Variants in B3GALNT2 observed in about 807,000 individuals in gnomAD.
B3GALNT2 encodes the protein UDP-GalNAc:beta-1,3-N-acetylgalactosaminyltransferase 2.
B3GALNT2 carries 53 observed loss-of-function variants against 61.1 expected under a neutral mutation model. That is an observed-to-expected ratio of 0.87 (90% CI 0.70 to 1.09). The LOEUF (loss-of-function observed/expected upper bound fraction) is 1.09, where lower values mean the gene tolerates loss of function less well. Among genes scored for constraint, B3GALNT2 ranks in the 50% least tolerant of loss-of-function variants. The pLI is 0.00. For synonymous variants in B3GALNT2, 223 were observed against 237.4 expected, an observed-to-expected ratio of 0.94 and a Z score of 0.56; for missense variants, 544 against 623.0, an observed-to-expected ratio of 0.87 and a Z score of 1.35.
chr1:235,481,029 C>T (rs1278261442), intron 4 of B3GALNT2, among the ~76,000 whole-genome samples: 1 of 145,376 alleles, frequency 6.9e-6, no homozygotes, highest in East Asian at 2.1e-4. Flanking sequence ...CATGCCTATT[C>T]TTATATACCA....
chr1:235,448,960 A>T lies in B3GALNT2; in HGVS notation c.*1246T>A, dbSNP rs1053160965. 3.7e-5 allele frequency: 19 copies of T among 517,914 alleles called. No homozygotes were observed. Among genetic ancestry groups the T allele is most frequent in the Middle Eastern group, 3.3e-4 (1 of 2,996 alleles). The allele number at this position is 517,914 out of a possible 1,614,324, so 32.1% of individuals were successfully genotyped here. ...ATAATAGCAATAATAAAGGCTTTGA[A>T]CCTACTAATGATTTTCTGATCTTAT... On this transcript the variant is annotated 3_prime_UTR_variant, in exon 12 of 12. Transcript: ENST00000366600.
At chr1:235,475,936 C>T (rs1334527620) in intron 5 of B3GALNT2, among the ~76,000 whole-genome samples, 1 of 152,076 alleles carries the variant, frequency 6.6e-6, no homozygotes, top group East Asian at 1.9e-4. Context: ...ATGATCTGCC[C>T]GCCTCGGCCT....
chr1:235,448,702 C>G lies in B3GALNT2; in HGVS notation c.*1504G>C. 1 of 1,614,014 alleles carries G rather than the reference C, an allele frequency of 6.2e-7. No homozygotes were observed. Among genetic ancestry groups the G allele is most frequent in the Non-Finnish European group, 8.5e-7 (1 of 1,179,968 alleles). On this transcript the variant is annotated 3_prime_UTR_variant, in exon 12 of 12. Transcript: ENST00000366600. ...GCAGAGAAATCGAGCTGGAAAATGA[C>G]CTAAAGTCATTACAGTTTTATTCTG...
chr1:235,467,841 G>A (rs949740186), intron 6 of B3GALNT2, among the ~76,000 whole-genome samples: 3 of 151,350 alleles, frequency 2.0e-5, no homozygotes, highest in Admixed American at 1.3e-4. Flanking sequence ...GTGCAATGGC[G>A]TGATCTTGGC....
rs1332390869 is a variant in B3GALNT2, at chr1:235,504,294, G to T, written c.-42C>A. 5.7e-5 allele frequency: 84 copies of T among 1,476,778 alleles called. No individual in the cohort carries two copies. The highest frequency in any genetic ancestry group is 7.4e-5 in the Non-Finnish European group (83 of 1,118,768). 91.5% of individuals were successfully genotyped at this position (1,476,778 alleles called of 1,614,324 possible). A position where few individuals can be genotyped will look rare whatever the true frequency, so the allele number is the denominator to read the frequency against. On this transcript the variant is annotated 5_prime_UTR_variant, in exon 1 of 12. Coordinates refer to ENST00000366600, the MANE Select transcript of B3GALNT2 (RefSeq NM_152490.5). ...GAGCCGGGCTCTCCCGCGTCCCGGC[G>T]GAGAGGGAGGGGACCTGCAAGTGCG...
At position 235,504,333 on chromosome 1, in the gene B3GALNT2, G is replaced by T; in HGVS notation, c.-81C>A. The T allele has an allele frequency of 7.1e-7, 1 of 1,405,804 alleles. No individual in the cohort carries two copies. The highest frequency in any genetic ancestry group is 9.3e-7 in the Non-Finnish European group (1 of 1,071,068). 87.1% of individuals were successfully genotyped at this position (1,405,804 alleles called of 1,614,324 possible). On this transcript the variant is annotated 5_prime_UTR_variant, in exon 1 of 12. Transcript: ENST00000366600. Reference sequence around the variant, plus strand: ...CCTGCAAGTGCGGAGACTGAGGGGCGGCGGCTGACGAGCGACCACTCCGAG... The same window carrying T: ...CCTGCAAGTGCGGAGACTGAGGGGCTGCGGCTGACGAGCGACCACTCCGAG...
At chr1:235,470,758 G>T (rs995036653) in intron 6 of B3GALNT2, 92 bp downstream of exon 6, 1 of 1,505,834 alleles carries the variant, frequency 6.6e-7, no homozygotes, top group African/African-American at 1.4e-5. Context: ...ATTGCTCCAT[G>T]CTGCCTGGGC....
rs918037692 is a variant in B3GALNT2, at chr1:235,460,645, C to A, written c.842-1859G>T. Among the ~76,000 whole-genome samples the A allele has an allele frequency of 6.0e-5, 9 of 151,114 alleles. No homozygotes were observed. The East Asian group carries it at 1.8e-3, about 29-fold the overall frequency. ...CTAGAATGCAGTGGTGTAATTATAG[C>A]TTACTGCAGCCTCAACTTCCTGGGC... On this transcript the variant is annotated intron_variant, in intron 7 of 11. Transcript: ENST00000366600.
chr1:235,467,498 T>C (rs1269005307), intron 6 of B3GALNT2, among the ~76,000 whole-genome samples: 1 of 151,134 alleles, frequency 6.6e-6, no homozygotes. Context: ...TTTTTTTTTT[T>C]TTTGAGACGA....
chr1:235,500,019 CAG>C (rs1289291588), intron 1 of B3GALNT2, among the ~76,000 whole-genome samples: 1 of 152,078 alleles, frequency 6.6e-6, no homozygotes, highest in Admixed American at 6.6e-5. Flanking sequence ...AATGCAAGGC[CAG>C]AGAGAGGACA....
chr1:235,448,496 C>CATTA lies in B3GALNT2; in HGVS notation c.*1706_*1709dup, dbSNP rs1319664947. 17 of 1,529,564 alleles carry CATTA rather than the reference C, an allele frequency of 1.1e-5. No homozygotes were observed. The highest frequency in any genetic ancestry group is 1.5e-5 in the Non-Finnish European group (17 of 1,103,454). 94.7% of individuals were successfully genotyped at this position (1,529,564 alleles called of 1,614,324 possible). On this transcript the variant is annotated 3_prime_UTR_variant, in exon 12 of 12. Transcript: ENST00000366600. Reference sequence around the variant, plus strand: ...GTCAAGCTTAGTCCTCGTATTATGACATTAAACTGTCTCTAGATAGCAACA... The same window carrying CATTA: ...GTCAAGCTTAGTCCTCGTATTATGACATTAATTAAACTGTCTCTAGATAGCAACA...
At position 235,480,932 on chromosome 1, in the gene B3GALNT2, A is replaced by C. The variant is rs1684535530; in HGVS notation, c.556-783T>G. 4.0e-5 allele frequency among the ~76,000 whole-genome samples: 6 copies of C among 149,144 alleles called. No homozygotes were observed. The South Asian group carries it at 1.1e-3, about 26-fold the overall frequency. Reference sequence around the variant, plus strand: ...AAAAAAAAAAAAAAAAAAAAAAAAAAAAAAAAAAAAAAACCGGACTGATTT... The same window carrying C: ...AAAAAAAAAAAAAAAAAAAAAAAAACAAAAAAAAAAAAACCGGACTGATTT... On this transcript the variant is annotated intron_variant, in intron 4 of 11. Coordinates refer to ENST00000366600, the MANE Select transcript of B3GALNT2 (RefSeq NM_152490.5).
intron 6 of B3GALNT2, among the ~76,000 whole-genome samples, chr1:235,467,546 G>A (rs545343122): frequency 3.6e-4 from 53 of 148,400 alleles, no homozygotes; most frequent in African/African-American, 1.3e-3. Context: ...GTGCGATGGC[G>A]TGATTTCGGC....
intron 7 of B3GALNT2, among the ~76,000 whole-genome samples, chr1:235,462,790 C>G (rs150174392): frequency 2.9e-4 from 44 of 152,236 alleles, no homozygotes; most frequent in African/African-American, 7.2e-4. Context: ...GAATGCAATC[C>G]CTGATGGGAA....
chr1:235,458,794 GGAAAAGTT>G lies in B3GALNT2; in HGVS notation c.842-16_842-9del. On this transcript the variant is annotated splice_polypyrimidine_tract_variant and intron_variant, in intron 7 of 11. Transcript: ENST00000366600. ...GTAAGAGAGCATCACCTTCTATAAA[GGAAAAGTT>G]GAGAGTTGGAGAAAAATGCTGTTGT... 6.4e-7 allele frequency: 1 copy of G among 1,567,974 alleles called. No homozygotes were observed. The highest frequency in any genetic ancestry group is 8.6e-7 in the Non-Finnish European group (1 of 1,160,168).
rs142839029 is a variant in B3GALNT2 at position 235,448,014 on chromosome 1, G to T, written c.*2192C>A. ...TCACGAGGTCAGGAGTTCAAGACCAGCCTGGCCAACATGGTGAAACCCCGT... is the reference window on the plus strand; with the variant it reads ...TCACGAGGTCAGGAGTTCAAGACCATCCTGGCCAACATGGTGAAACCCCGT... On this transcript the variant is annotated 3_prime_UTR_variant, in exon 12 of 12. Coordinates refer to ENST00000366600, the MANE Select transcript of B3GALNT2 (RefSeq NM_152490.5). Among the ~76,000 whole-genome samples, 3,133 of 152,102 alleles carry T rather than the reference G, an allele frequency of 0.021. 36 individuals are homozygous for T. The highest frequency in any genetic ancestry group is 0.031 in the Middle Eastern group (9 of 294).
At chr1:235,504,057 C>A in intron 1 of B3GALNT2, 84 bp downstream of exon 1, 1 of 1,192,338 alleles carries the variant, frequency 8.4e-7, no homozygotes, top group Admixed American at 4.5e-5. Context: ...CCGCCTCCAA[C>A]AATTCCCGGC....
intron 2 of B3GALNT2, among the ~76,000 whole-genome samples, chr1:235,493,775 CAA>C (rs750114299): frequency 1.4e-5 from 2 of 138,634 alleles, no homozygotes. Context: ...AACTCCATCT[CAA>C]AAAAAAAAAA....
At chr1:235,440,205 T>C in the B3GALNT2 span, among the ~76,000 whole-genome samples, 370 of 151,856 alleles carry the variant, frequency 2.4e-3, no homozygotes, top group Non-Finnish European at 4.3e-3. Flanking sequence ...CTCCTGACCT[T>C]GTGATCCACC....
Sources: allele counts gnomAD v4.1 joint callset (sites outside exome capture counted in the v4.1 genomes callset), GRCh38; gene constraint gnomAD v4.1.1; transcripts MANE v1.5; gene names NCBI Gene and HGNC (gene_info 2026-07-23, HGNC 2026-07-21).